SLC8A3: variants seen among roughly 807,000 people sequenced by gnomAD.
The protein encoded by SLC8A3 is sodium/calcium exchanger 3.
Under a neutral mutation model 65.4 loss-of-function variants are expected in SLC8A3, and 37 were observed. The ratio of observed to expected loss-of-function variants is 0.57; its 90% confidence interval spans 0.44 to 0.74. SLC8A3 has a LOEUF of 0.74. SLC8A3 is among the 30% of genes least tolerant of loss of function. The pLI, the probability that SLC8A3 is intolerant of heterozygous loss-of-function variation, is 0.00. For missense variants in SLC8A3, 1,112 were observed against 1,172.1 expected, an observed-to-expected ratio of 0.95 and a Z score of 0.75; for synonymous variants, 461 against 444.5, an observed-to-expected ratio of 1.04 and a Z score of -0.47.
At chr14:70,121,630 G>A (rs1894062471) in intron 2 of SLC8A3, among the ~76,000 whole-genome samples, 1 of 152,170 alleles carries the variant, frequency 6.6e-6, no homozygotes, top group South Asian at 2.1e-4. Flanking sequence ...TTGGAGTGTG[G>A]ATTGTGGGGA....
intron 2 of SLC8A3, among the ~76,000 whole-genome samples, chr14:70,098,718 G>T (rs112724304): frequency 6.6e-6 from 1 of 152,174 alleles, no homozygotes; most frequent in Non-Finnish European, 1.5e-5. Context: ...CTTCTGCCAG[G>T]CTAAAGACAA....
At chr14:70,052,241 T>A in intron 3 of SLC8A3, 127 bp from the exon 4 acceptor site, 1 of 1,190,032 alleles carries the variant, frequency 8.4e-7, no homozygotes, top group Non-Finnish European at 1.1e-6. Flanking sequence ...AGTTTATATA[T>A]ATTTTTAGTG....
chr14:70,076,075 C>T (rs1431214744), intron 2 of SLC8A3, among the ~76,000 whole-genome samples: 2 of 152,210 alleles, frequency 1.3e-5, no homozygotes, highest in Non-Finnish European at 2.9e-5. Context: ...TACTTTTCCA[C>T]CACCCACTCG....
rs1194278416 is a variant in SLC8A3, at chr14:70,045,445, CA to C, written c.*501del. The C allele has an allele frequency of 6.6e-6, 1 of 152,370 alleles. No individual in the cohort carries two copies. Among genetic ancestry groups the C allele is most frequent in the Non-Finnish European group, 1.5e-5 (1 of 68,220 alleles). 9.4% of individuals were successfully genotyped at this position (152,370 alleles called of 1,614,324 possible). ...CAAAATAATAAGCAAAACCTAATGG[CA>C]AAACGAAAGCAACCACAATAATGAT... On this transcript the variant is annotated 3_prime_UTR_variant, in exon 7 of 7. Transcript: ENST00000356921.
At chr14:70,055,140 A>G (rs1887944501) in intron 3 of SLC8A3, among the ~76,000 whole-genome samples, 1 of 152,158 alleles carries the variant, frequency 6.6e-6, no homozygotes, top group African/African-American at 2.4e-5. Context: ...GAATCTCTTC[A>G]AAATAAATTC....
chr14:70,128,592 T>C (rs2140215113), intron 2 of SLC8A3, among the ~76,000 whole-genome samples: 1 of 152,342 alleles, frequency 6.6e-6, no homozygotes, highest in East Asian at 1.9e-4. Flanking sequence ...TGGTTGCATT[T>C]TTAGCATTTT....
rs576327163 is a variant in SLC8A3 at position 70,095,706 on chromosome 14, T to A, written c.1785-34767A>T. ...TTTTTCTATGTGTGTGATGCAACAA[T>A]GAAAAATCATCTGAAGAGAGAGGGA... is the stretch of plus-strand genomic sequence containing the variant. On this transcript the variant is annotated intron_variant, in intron 2 of 6. Transcript: ENST00000356921. Among the ~76,000 whole-genome samples, 5 of 152,190 alleles carry A rather than the reference T, an allele frequency of 3.3e-5. No individual in the cohort carries two copies. The East Asian group carries it at 9.7e-4, about 29-fold the overall frequency.
intron 2 of SLC8A3, among the ~76,000 whole-genome samples, chr14:70,091,993 A>T (rs534277103): frequency 6.6e-6 from 1 of 152,174 alleles, no homozygotes; most frequent in East Asian, 1.9e-4. Context: ...TCACCACGTT[A>T]CTTCCTATGC....
chr14:70,143,357 T>C (rs1895697937), intron 2 of SLC8A3, among the ~76,000 whole-genome samples: 2 of 152,114 alleles, frequency 1.3e-5, no homozygotes, highest in South Asian at 4.1e-4. Flanking sequence ...TTGCCTGAGG[T>C]CACTAAGTAG....
chr14:70,126,547 T>TTCTCTCTCTCTCTCTCTC (rs36183214), intron 2 of SLC8A3, among the ~76,000 whole-genome samples: 5 of 118,114 alleles, frequency 4.2e-5, no homozygotes, highest in Non-Finnish European at 8.9e-5. Context: ...AGAAAGAAAA[T>TTCTCTCTCTCTCTCTCTC]TCTCTCTCTC....
At chr14:70,164,309 G>A (rs1400439135) in intron 2 of SLC8A3, among the ~76,000 whole-genome samples, 1 of 152,100 alleles carries the variant, frequency 6.6e-6, no homozygotes, top group Non-Finnish European at 1.5e-5. Flanking sequence ...GCCTCTAGTT[G>A]TAAAATTGCA....
chr14:70,046,290 T>A lies in SLC8A3; in HGVS notation c.2423A>T (p.Asp808Val), dbSNP rs747857229. Residue 808 changes from aspartate (D) to valine (V), a missense_variant, in exon 7 of 7, where the codon GAT becomes GTT. Coordinates refer to ENST00000356921, the MANE Select transcript of SLC8A3 (RefSeq NM_182932.3). The surrounding 1 kb of genome is among the most constrained non-coding windows in gnomAD (Gnocchi z 4.2). ...GCCAATGGAGGCGTCTGCATATACA[T>A]CCTGGAGGGCAGCAGCTTTGCTGGC... The part of the protein sequence containing the change: ...TFASKAAALQ[D>V]VYADASIGNV... 6.2e-7 allele frequency: 1 copy of A among 1,611,348 alleles called. No homozygotes were observed. The highest frequency in any genetic ancestry group is 8.5e-7 in the Non-Finnish European group (1 of 1,178,450).
At chr14:70,158,987 G>A (rs1035634773) in intron 2 of SLC8A3, among the ~76,000 whole-genome samples, 7 of 152,288 alleles carry the variant, frequency 4.6e-5, no homozygotes, top group Non-Finnish European at 8.8e-5. Flanking sequence ...ATATGGGGCC[G>A]TGCTCTATTT....
At chr14:70,123,630 A>G (rs1894235091) in intron 2 of SLC8A3, among the ~76,000 whole-genome samples, 1 of 151,988 alleles carries the variant, frequency 6.6e-6, no homozygotes, top group Non-Finnish European at 1.5e-5. Flanking sequence ...TTCTATTTTC[A>G]GTAGAGACAG....
intron 6 of SLC8A3, 158 bp downstream of exon 6, chr14:70,048,609 T>C (rs778397323): frequency 2.8e-5 from 20 of 718,592 alleles, no homozygotes; most frequent in South Asian, 2.7e-4. Flanking sequence ...ATTACTAATG[T>C]CATTATTCAT....
At chr14:70,080,747 A>T (rs183239978) in intron 2 of SLC8A3, among the ~76,000 whole-genome samples, 11 of 152,340 alleles carry the variant, frequency 7.2e-5, no homozygotes, top group Non-Finnish European at 1.5e-5. Context: ...TTATTTGTGC[A>T]CGGAGCTCCA....
chr14:70,117,938 G>C (rs1053969276), intron 2 of SLC8A3, among the ~76,000 whole-genome samples: 2 of 152,214 alleles, frequency 1.3e-5, no homozygotes, highest in East Asian at 1.9e-4. Context: ...ATCCACAGTA[G>C]AGCCTCTTGT....
Position 70,046,013 on chromosome 14 carries a change from C to A in SLC8A3, c.2700G>T (p.Val900=). The A allele has an allele frequency of 6.2e-7, 1 of 1,613,266 alleles. No individual in the cohort carries two copies. Among genetic ancestry groups the A allele is most frequent in the South Asian group, 1.1e-5 (1 of 90,944 alleles). Residue 900 remains valine (V), a synonymous_variant, in exon 7 of 7, where the codon GTG becomes GTT. Coordinates refer to ENST00000356921, the MANE Select transcript of SLC8A3 (RefSeq NM_182932.3). This position sits in a 1 kb window ranked among gnomAD's most constrained non-coding sequence, Gnocchi z 4.2. ...GCKLATTWLF[V]SLWLLYILFA... ...AGAGTATGTAGAGGAGCCACAGGCT[C>A]ACAAAGAGCCATGTTGTGGCGAGCT...
chr14:70,168,338 G>C lies in SLC8A3; in HGVS notation c.85C>G (p.Arg29Gly). 6.2e-7 allele frequency: 1 copy of C among 1,614,118 alleles called. No homozygotes were observed. The highest frequency in any genetic ancestry group is 1.3e-5 in the African/African-American group (1 of 75,038). The change falls in exon 2 of 7, where the codon CGA becomes GGA. Residue 29 changes from arginine (R) to glycine (G), a missense_variant. Transcript: ENST00000356921. Reference protein sequence around the residue: ...VTFVLFLNGLRAEAGGSGDVP... With the variant: ...VTFVLFLNGLGAEAGGSGDVP... ...TCCCCTGAGCCACCAGCCTCTGCTC[G>C]AAGACCATTCAGGAAGAGCACAAAG... is the stretch of plus-strand genomic sequence containing the variant.
Sources: allele counts gnomAD v4.1 joint callset (sites outside exome capture counted in the v4.1 genomes callset), GRCh38; gene constraint gnomAD v4.1.1; non-coding constraint Gnocchi (gnomAD v3.1); transcripts MANE v1.5; gene names NCBI Gene and HGNC (gene_info 2026-07-23, HGNC 2026-07-21).